The following TRARG1 variants were observed in gnomAD, a reference collection of about 807,000 sequenced individuals.
TRARG1 encodes trafficking regulator of GLUT4 (SLC2A4) 1 (gene/pseudogene).
A neutral mutation model predicts 13.3 loss-of-function variants in TRARG1; 16 were observed. The ratio of observed to expected loss-of-function variants is 1.20; its 90% confidence interval spans 0.81 to 1.83. The LOEUF (loss-of-function observed/expected upper bound fraction) is 1.83. TRARG1 is among the 40% of genes most tolerant of loss of function. The probability of loss-of-function intolerance (pLI) is 0.00; values close to 1 mark genes in which losing one functional copy is unlikely to be tolerated. For missense variants in TRARG1, 250 were observed against 237.4 expected (o/e 1.05, Z -0.35); for synonymous variants, 113 against 106.2 (o/e 1.06, Z -0.39).
In TRARG1 at chr17:1,298,131, C is replaced by G. The variant is rs1384591393; in HGVS notation, c.521-120C>G. ...AAAGAGGTTCCCAAGCCTTAGCCTT[C>G]TCCCCTTATCCCTATTACCACTTCC... On this transcript the variant is annotated intron_variant, in intron 2 of 2. Coordinates refer to ENST00000333813, the MANE Select transcript of TRARG1 (RefSeq NM_172367.3). The G allele has an allele frequency of 4.1e-6, 5 of 1,210,450 alleles. No homozygotes were observed. The African/African-American group carries it at 7.6e-5, about 18-fold the overall frequency. 75.0% of individuals were successfully genotyped at this position (1,210,450 alleles called of 1,614,324 possible). A position where few individuals can be genotyped will look rare whatever the true frequency, so the allele number is the denominator to read the frequency against.
chr17:1,279,888 G>A lies in TRARG1; in HGVS notation c.-114G>A, dbSNP rs940351848. The A allele has an allele frequency of 1.5e-5, 19 of 1,276,638 alleles. No individual in the cohort carries two copies. The highest frequency in any genetic ancestry group is 1.9e-5 in the Non-Finnish European group (18 of 941,656). The allele number at this position is 1,276,638 out of a possible 1,614,324, so 79.1% of individuals were successfully genotyped here. A position where few individuals can be genotyped will look rare whatever the true frequency, so the allele number is the denominator to read the frequency against. ...GCCGGCCCTCCGTCTCCTGAGGGACGCCCCTGCCCCCGACCTGGAGGCCCT... is the reference window on the plus strand; with the variant it reads ...GCCGGCCCTCCGTCTCCTGAGGGACACCCCTGCCCCCGACCTGGAGGCCCT... On this transcript the variant is annotated 5_prime_UTR_variant, in exon 1 of 3. Transcript: ENST00000333813.
At chr17:1,282,136 G>A (rs1168012942) in intron 1 of TRARG1, among the ~76,000 whole-genome samples, 1 of 16,972 alleles carries the variant, frequency 5.9e-5, no homozygotes, top group Non-Finnish European at 1.2e-4. Context: ...ACATATACAC[G>A]CATATATGTA....
At chr17:1,291,203 C>T (rs140956200) in intron 1 of TRARG1, among the ~76,000 whole-genome samples, 8,666 of 151,696 alleles carry the variant, frequency 0.057, 729 homozygotes, top group African/African-American at 0.19. Flanking sequence ...TTCCGCCTCC[C>T]GGGTTCAAGT....
rs542504095 is a variant in TRARG1, at chr17:1,294,468, C to CTTTTTTTT, written c.388-1011_388-1004dup. 4.6e-3 allele frequency among the ~76,000 whole-genome samples: 519 copies of CTTTTTTTT among 113,334 alleles called. 12 individuals are homozygous for CTTTTTTTT. Among genetic ancestry groups the CTTTTTTTT allele is most frequent in the Non-Finnish European group, 5.8e-3 (340 of 58,620 alleles). 74.4% of individuals were successfully genotyped at this position (113,334 alleles called of 152,430 possible). A position where few individuals can be genotyped will look rare whatever the true frequency, so the allele number is the denominator to read the frequency against. On this transcript the variant is annotated intron_variant, in intron 1 of 2. Transcript: ENST00000333813. The stretch of plus-strand genomic sequence containing the variant: ...GAAATGGAGGCTGTGAAGACAGTGT[C>CTTTTTTTT]TTTTTTTTTTTTTTTTTTTGAGGCA...
chr17:1,295,926 C>G (rs2072107956), intron 2 of TRARG1, among the ~76,000 whole-genome samples: 1 of 152,218 alleles, frequency 6.6e-6, no homozygotes, highest in Admixed American at 6.5e-5. Flanking sequence ...GGGCCTGGGA[C>G]CAGGGTCGGT....
chr17:1,296,944 C>CATTTTAAT (rs1266125939), intron 2 of TRARG1, among the ~76,000 whole-genome samples: 1 of 152,208 alleles, frequency 6.6e-6, no homozygotes, highest in Non-Finnish European at 1.5e-5. Flanking sequence ...CGCGCCTGGC[C>CATTTTAAT]CAGGGGAACC....
At chr17:1,291,759 G>C (rs192705024) in intron 1 of TRARG1, among the ~76,000 whole-genome samples, 3 of 152,110 alleles carry the variant, frequency 2.0e-5, no homozygotes, top group Non-Finnish European at 4.4e-5. Context: ...CACAGAGGAG[G>C]TGGCCTTGGA....
chr17:1,282,224 G>GTACATATATGCA (rs1567928185), intron 1 of TRARG1, among the ~76,000 whole-genome samples: 1 of 115,610 alleles, frequency 8.6e-6, no homozygotes, highest in South Asian at 2.8e-4. Context: ...GTATACACGT[G>GTACATATATGCA]CGTATATGTA....
At chr17:1,282,036 A>G (rs1290614275) in intron 1 of TRARG1, among the ~76,000 whole-genome samples, 2 of 110,114 alleles carry the variant, frequency 1.8e-5, no homozygotes, top group African/African-American at 5.7e-5. Context: ...GTACATATAT[A>G]CACACATATG....
intron 1 of TRARG1, among the ~76,000 whole-genome samples, chr17:1,285,424 G>C (rs1344073707): frequency 3.3e-5 from 5 of 150,732 alleles, no homozygotes; most frequent in Non-Finnish European, 5.9e-5. Flanking sequence ...AAATTAAAGA[G>C]GGCTGGGCTC....
At chr17:1,285,099 G>GCAGC (rs1162800635) in intron 1 of TRARG1, among the ~76,000 whole-genome samples, 1 of 152,010 alleles carries the variant, frequency 6.6e-6, no homozygotes, top group African/African-American at 2.4e-5. Context: ...GGAGAGGGAG[G>GCAGC]CAGCAGGGAC....
At chr17:1,292,946 C>T (rs1322685990) in intron 1 of TRARG1, among the ~76,000 whole-genome samples, 1 of 151,980 alleles carries the variant, frequency 6.6e-6, no homozygotes, top group Non-Finnish European at 1.5e-5. Flanking sequence ...GAATCGGGGG[C>T]GTGGGGAGAG....
rs1228009625 is a variant in TRARG1 at position 1,280,372 on chromosome 17, TC to T, written c.372del (p.Ile125SerfsTer44). 6.2e-7 allele frequency: 1 copy of T among 1,601,118 alleles called. No homozygotes were observed. The highest frequency in any genetic ancestry group is 2.2e-5 in the East Asian group (1 of 44,656). On this transcript the variant is annotated frameshift_variant, in exon 1 of 3. Transcript: ENST00000333813. LOFTEE classifies it high-confidence loss of function. ...GTCTGGCCCCTCAACCTCATCCCCCTCATCATTTCCATCATGGTAAGTGCTG... is the reference window on the plus strand; with the variant it reads ...GTCTGGCCCCTCAACCTCATCCCCCTATCATTTCCATCATGGTAAGTGCTG... ...CPVWPLNLIP[L>X]IISIMSRSSM...
At chr17:1,282,209 T>C (rs1598187576) in intron 1 of TRARG1, among the ~76,000 whole-genome samples, 4 of 143,046 alleles carry the variant, frequency 2.8e-5, no homozygotes, top group African/African-American at 8.0e-5. Flanking sequence ...CGTGCGTATA[T>C]GTACGTATAC....
In TRARG1 at chr17:1,280,188, A is replaced by C. The variant is rs757573314; in HGVS notation, c.187A>C (p.Lys63Gln). The C allele has an allele frequency of 3.1e-6, 5 of 1,614,020 alleles. No homozygotes were observed. Among genetic ancestry groups the C allele is most frequent in the African/African-American group, 2.7e-5 (2 of 75,050 alleles). Residue 63 changes from lysine to glutamine, a missense_variant, in exon 1 of 3, where the codon AAG becomes CAG. Physicochemically the swap from Lys to Gln is moderately conservative, Grantham distance 53. Transcript: ENST00000333813. ...LEQNSQGLPF[K>Q]AISEGHLEAP... is the part of the protein sequence containing the mutation. ...GCAGAACAGCCAGGGCCTACCCTTC[A>C]AGGCCATCTCCGAGGGGCACCTGGA...
Position 1,298,371 on chromosome 17 carries a change from C to T in TRARG1, c.*107C>T, listed in dbSNP as rs2072127898. 1 of 1,281,428 alleles carries T rather than the reference C, an allele frequency of 7.8e-7. No homozygotes were observed. Among genetic ancestry groups the T allele is most frequent in the Non-Finnish European group, 1.1e-6 (1 of 915,524 alleles). The allele number at this position is 1,281,428 out of a possible 1,614,324, so 79.4% of individuals were successfully genotyped here. A position where few individuals can be genotyped will look rare whatever the true frequency, so the allele number is the denominator to read the frequency against. On this transcript the variant is annotated 3_prime_UTR_variant, in exon 3 of 3. Transcript: ENST00000333813. Reference sequence around the variant, plus strand: ...TGCTGACTGTCAAGCATCCCCTGTCCCCAAGTTCCAAAAGCACAGACTCAA... The same window carrying T: ...TGCTGACTGTCAAGCATCCCCTGTCTCCAAGTTCCAAAAGCACAGACTCAA...
chr17:1,293,543 C>T (rs1390090355), intron 1 of TRARG1, among the ~76,000 whole-genome samples: 3 of 124,070 alleles, frequency 2.4e-5, no homozygotes, highest in African/African-American at 9.5e-5. Context: ...GATGATGTCA[C>T]GAGTTGAGTT....
intron 1 of TRARG1, among the ~76,000 whole-genome samples, chr17:1,294,558 T>C (rs1435610570): frequency 1.4e-5 from 2 of 139,070 alleles, no homozygotes; most frequent in Non-Finnish European, 3.0e-5. Context: ...CCTCCACCTC[T>C]GGGGTTCAAG....
chr17:1,281,939 T>C (rs913088289), intron 1 of TRARG1, among the ~76,000 whole-genome samples: 9 of 151,976 alleles, frequency 5.9e-5, no homozygotes, highest in Admixed American at 1.3e-4. Flanking sequence ...TACATACATG[T>C]ACATATATGC....
Sources: gnomAD v4.1 joint callset for allele counts (sites outside exome capture counted in the v4.1 genomes callset) on GRCh38, gnomAD v4.1.1 for gene constraint, MANE v1.5 for transcripts, NCBI Gene and HGNC (gene_info 2026-07-23, HGNC 2026-07-21) for gene names.